Variants in STK24 observed in about 807,000 individuals in gnomAD.
The protein encoded by STK24 is serine/threonine kinase 24.
A neutral mutation model predicts 55.6 loss-of-function variants in STK24; 21 were observed. The ratio of observed to expected loss-of-function variants is 0.38; its 90% CI spans 0.27 to 0.54. The LOEUF is 0.54. Among genes scored for constraint, STK24 ranks in the 20% least tolerant of loss-of-function variants. STK24 has a pLI of 0.79. For missense variants in STK24, 383 were observed against 538.4 expected (o/e 0.71, Z 2.86); for synonymous variants, 200 against 215.2 (o/e 0.93, Z 0.62).
chr13:98,539,895 C>A (rs1449341124), intron 1 of STK24, among the ~76,000 whole-genome samples: 1 of 152,154 alleles, frequency 6.6e-6, no homozygotes, highest in African/African-American at 2.4e-5. Context: ...ACACACAAGT[C>A]CACGCAGACA....
Position 98,485,048 on chromosome 13 carries a change from G to A in STK24, c.274-2727C>T, listed in dbSNP as rs566259257. On this transcript the variant is annotated intron_variant, in intron 2 of 10. Transcript: ENST00000539966. ...ACACCAGCACCAACAACCAGGGGGT[G>A]GGATATTGCATCAGGAAAAGCTCCA... 1.1e-3 allele frequency among the ~76,000 whole-genome samples: 174 copies of A among 152,246 alleles called. 3 individuals carry two copies. In the South Asian group the frequency reaches 0.016, roughly 14 times the overall value.
Position 98,505,533 on chromosome 13 carries a change from T to A in STK24, c.273+13710A>T, listed in dbSNP as rs1207653209. ...CTATCTCCACTGATTCCATTTACAA[T>A]GACAGGGAAGAGTCATTAGACCCAA... On this transcript the variant is annotated intron_variant, in intron 2 of 10. Coordinates refer to ENST00000539966, the MANE Select transcript of STK24 (RefSeq NM_001032296.4). Among the ~76,000 whole-genome samples the A allele has an allele frequency of 2.0e-5, 3 of 152,248 alleles. No homozygotes were observed. The East Asian group carries it at 5.8e-4, about 29-fold the overall frequency.
chr13:98,504,881 C>T (rs1209223651), intron 2 of STK24: 6 of 152,170 alleles, frequency 3.9e-5, no homozygotes, highest in Non-Finnish European at 7.3e-5. Context: ...GGAAGGTGCA[C>T]GTCTGTCTGG....
At chr13:98,545,035 C>T (rs1430907702) in intron 1 of STK24, among the ~76,000 whole-genome samples, 9 of 152,176 alleles carry the variant, frequency 5.9e-5, no homozygotes, top group Non-Finnish European at 5.9e-5. Context: ...GTTAGTTTAT[C>T]CTAGGGAAAT....
intron 1 of STK24, among the ~76,000 whole-genome samples, chr13:98,559,560 C>T (rs754060417): frequency 5.9e-5 from 9 of 152,128 alleles, no homozygotes; most frequent in Non-Finnish European, 1.3e-4. Context: ...TGGACTCATA[C>T]AATCCCTTCC....
chr13:98,453,373 T>G, intron 10 of STK24, 164 bp from the exon 11 acceptor site: 1 of 681,688 alleles, frequency 1.5e-6, no homozygotes, highest in Non-Finnish European at 2.4e-6. Context: ...AGAATGCATA[T>G]AAAGACTGAG....
chr13:98,544,330 C>A (rs945153807), intron 1 of STK24, among the ~76,000 whole-genome samples: 6 of 152,228 alleles, frequency 3.9e-5, no homozygotes, highest in African/African-American at 1.4e-4. Context: ...AAGTCCCCAG[C>A]AGGCCTGGCC....
At chr13:98,472,066 C>A (rs1157008500) in intron 5 of STK24, among the ~76,000 whole-genome samples, 2 of 152,190 alleles carry the variant, frequency 1.3e-5, no homozygotes, top group African/African-American at 2.4e-5. Flanking sequence ...GGCAAGCCAG[C>A]CACTGGAGGG....
chr13:98,496,555 T>C (rs112883816), intron 2 of STK24, among the ~76,000 whole-genome samples: 12 of 152,282 alleles, frequency 7.9e-5, no homozygotes, highest in African/African-American at 2.6e-4. Context: ...AGGGCTCCTC[T>C]GGGTGTGTCC....
intron 2 of STK24, among the ~76,000 whole-genome samples, chr13:98,488,160 G>GACACACACACACACACACACAC (rs71213678): frequency 1.5e-5 from 2 of 130,408 alleles, no homozygotes; most frequent in East Asian, 2.3e-4. Flanking sequence ...AAGAGATGAA[G>GACACACACACACACACACACAC]ACACACACAC....
chr13:98,479,592 C>A (rs1470052499), intron 3 of STK24, among the ~76,000 whole-genome samples: 1 of 152,104 alleles, frequency 6.6e-6, no homozygotes, highest in Non-Finnish European at 1.5e-5. Context: ...TACGTGGGGC[C>A]CGAGATTTAT....
rs529735937 is a variant in STK24, at chr13:98,469,405, C to T, written c.598-2844G>A. 1.2e-4 allele frequency among the ~76,000 whole-genome samples: 18 copies of T among 152,214 alleles called. No homozygotes were observed. The South Asian group carries it at 2.5e-3, about 21-fold the overall frequency. On this transcript the variant is annotated intron_variant, in intron 5 of 10. Transcript: ENST00000539966. ...CTCTACTAAAAATACAAAAATCAGC[C>T]GGGCATGGTGGGCTGCACCTGTAGT...
chr13:98,576,846 G>T lies in STK24; in HGVS notation c.-60C>A. 1 of 1,088,240 alleles carries T rather than the reference G, an allele frequency of 9.2e-7. No individual in the cohort carries two copies. Among genetic ancestry groups the T allele is most frequent in the Non-Finnish European group, 1.1e-6 (1 of 896,670 alleles). The allele number at this position is 1,088,240 out of a possible 1,614,324, so 67.4% of individuals were successfully genotyped here. A position where few individuals can be genotyped will look rare whatever the true frequency, so the allele number is the denominator to read the frequency against. ...GCCGGGCCGCGACGATCCGCGCGGGGCGGCGAGGCCCGCGGGCCGCGCGCA... is the reference window on the plus strand; with the variant it reads ...GCCGGGCCGCGACGATCCGCGCGGGTCGGCGAGGCCCGCGGGCCGCGCGCA... On this transcript the variant is annotated 5_prime_UTR_variant, in exon 1 of 11. Transcript: ENST00000539966.
At chr13:98,567,768 G>A (rs1344883705) in intron 1 of STK24, among the ~76,000 whole-genome samples, 2 of 142,736 alleles carry the variant, frequency 1.4e-5, no homozygotes, top group East Asian at 3.9e-4. Flanking sequence ...CCTATAAACT[G>A]AAGAATAGCA....
intron 2 of STK24, among the ~76,000 whole-genome samples, chr13:98,509,532 T>G (rs897385702): frequency 6.6e-6 from 1 of 152,216 alleles, no homozygotes; most frequent in Non-Finnish European, 1.5e-5. Context: ...AACATAAAAT[T>G]TGTATATTAC....
chr13:98,574,984 T>C (rs1055289067), intron 1 of STK24, among the ~76,000 whole-genome samples: 1 of 152,198 alleles, frequency 6.6e-6, no homozygotes, highest in African/African-American at 2.4e-5. Flanking sequence ...CAAAGGCCAA[T>C]TAACCTAGTA....
intron 1 of STK24, chr13:98,521,629 G>A (rs964406884): frequency 1.2e-5 from 7 of 607,024 alleles, no homozygotes; most frequent in Non-Finnish European, 2.1e-5. Context: ...CCTTGAACCT[G>A]CACCTCCACC....
In STK24 at chr13:98,488,065, G is replaced by T. The variant is rs1191193046; in HGVS notation, c.274-5744C>A. Among the ~76,000 whole-genome samples the T allele has an allele frequency of 4.0e-5, 6 of 151,676 alleles. No individual in the cohort carries two copies. The East Asian group carries it at 1.2e-3, about 29-fold the overall frequency. On this transcript the variant is annotated intron_variant, in intron 2 of 10. Coordinates refer to ENST00000539966, the MANE Select transcript of STK24 (RefSeq NM_001032296.4). ...TGTTGGAGTCCCAATTCCCAACACTGCAGAATGTGACTCTTTAAAGAGGTG... is the reference window on the plus strand; with the variant it reads ...TGTTGGAGTCCCAATTCCCAACACTTCAGAATGTGACTCTTTAAAGAGGTG...
chr13:98,554,608 T>C (rs1221730869), intron 1 of STK24, among the ~76,000 whole-genome samples: 6 of 152,196 alleles, frequency 3.9e-5, no homozygotes, highest in Non-Finnish European at 7.3e-5. Flanking sequence ...GAAGATTGCT[T>C]GAGGCCAAAA....
Sources: gnomAD v4.1 joint callset for allele counts (sites outside exome capture counted in the v4.1 genomes callset) on GRCh38, gnomAD v4.1.1 for gene constraint, MANE v1.5 for transcripts, NCBI Gene and HGNC (gene_info 2026-07-23, HGNC 2026-07-21) for gene names.